The following CACNA1C variants were observed in gnomAD, a reference collection of about 807,000 sequenced individuals.
CACNA1C encodes calcium voltage-gated channel subunit alpha1 C.
CACNA1C carries 30 observed loss-of-function variants against 229.0 expected under a neutral mutation model. The ratio of observed to expected loss-of-function variants is 0.13; its 90% CI spans 0.10 to 0.18. The LOEUF (loss-of-function observed/expected upper bound fraction) is 0.18. CACNA1C is among the 10% of genes least tolerant of loss of function. CACNA1C has a pLI of 1.00. For missense variants in CACNA1C, 1,658 were observed against 2,845.0 expected, an observed-to-expected ratio of 0.58 and a Z score of 9.49; for synonymous variants, 1,114 against 1,132.5, an observed-to-expected ratio of 0.98 and a Z score of 0.33.
In CACNA1C at chr12:2,346,333, T is replaced by G. The variant is rs1004827263; in HGVS notation, c.478-102643T>G. Among the ~76,000 whole-genome samples, 3 of 152,136 alleles carry G rather than the reference T, an allele frequency of 2.0e-5. No homozygotes were observed. Among genetic ancestry groups the G allele is most frequent in the Non-Finnish European group, 4.4e-5 (3 of 68,026 alleles). On this transcript the variant is annotated intron_variant, in intron 3 of 46. Transcript: ENST00000399655. This position sits in a 1 kb window ranked among gnomAD's most constrained non-coding sequence, Gnocchi z 4.4. ...TGTGTGTCTGTGTGTCTTTGTAATG[T>G]GTGTGTGTGCCTATGTATGTCTCTG...
chr12:2,266,838 T>C (rs1328614801), intron 3 of CACNA1C, among the ~76,000 whole-genome samples: 2 of 152,158 alleles, frequency 1.3e-5, no homozygotes, highest in Non-Finnish European at 2.9e-5. Flanking sequence ...AATTCCAGTG[T>C]TTCTCTTCAG....
At chr12:2,507,311 A>G (rs1353090498) in intron 8 of CACNA1C, among the ~76,000 whole-genome samples, 1 of 151,916 alleles carries the variant, frequency 6.6e-6, no homozygotes, top group Non-Finnish European at 1.5e-5. Flanking sequence ...ATGGGCGAGC[A>G]CCTCCCCTTT....
At chr12:2,343,258 A>C (rs182392653) in intron 3 of CACNA1C, among the ~76,000 whole-genome samples, 7 of 152,366 alleles carry the variant, frequency 4.6e-5, no homozygotes, top group Admixed American at 3.9e-4. Flanking sequence ...TGAAGGTTTA[A>C]GAGTCTCTCC....
chr12:2,307,973 G>A (rs981291621), intron 3 of CACNA1C, among the ~76,000 whole-genome samples: 11 of 152,184 alleles, frequency 7.2e-5, no homozygotes, highest in Non-Finnish European at 1.5e-4. Context: ...TGGGGTGGAA[G>A]ACAAGAATCT....
intron 3 of CACNA1C, among the ~76,000 whole-genome samples, chr12:2,385,101 G>A (rs1175190142): frequency 2.0e-5 from 3 of 152,164 alleles, no homozygotes; most frequent in African/African-American, 4.8e-5. Flanking sequence ...GATTCCCAGA[G>A]AAAATGAGGC....
intron 3 of CACNA1C, among the ~76,000 whole-genome samples, chr12:2,260,081 C>T (rs552439349): frequency 7.2e-5 from 11 of 152,324 alleles, no homozygotes; most frequent in African/African-American, 2.6e-4. Flanking sequence ...AGTCCCAAAC[C>T]ATCAGAAGGA....
rs934030405 is a variant in CACNA1C, at chr12:2,649,176, T to C, written c.3945+669T>C. Among the ~76,000 whole-genome samples the C allele has an allele frequency of 3.3e-5, 5 of 152,362 alleles. No homozygotes were observed. Among genetic ancestry groups the C allele is most frequent in the East Asian group, 1.9e-4 (1 of 5,190 alleles). On this transcript the variant is annotated intron_variant, in intron 31 of 46. Transcript: ENST00000399655. This position sits in a 1 kb window ranked among gnomAD's most constrained non-coding sequence, Gnocchi z 4.4. The stretch of plus-strand genomic sequence containing the variant: ...AAGCAGAAAAACAAGCTCCGTTGAT[T>C]GGACCACTCCTGTTGTAGGAGTCTC...
At chr12:2,522,631 G>A (rs935504592) in intron 9 of CACNA1C, among the ~76,000 whole-genome samples, 7 of 152,294 alleles carry the variant, frequency 4.6e-5, no homozygotes, top group Admixed American at 1.3e-4. Flanking sequence ...CATACTCCCC[G>A]TAGGAGGGGT....
chr12:2,512,745 C>T lies in CACNA1C; in HGVS notation c.1218-67C>T, dbSNP rs910615493. The T allele has an allele frequency of 1.1e-5, 14 of 1,231,964 alleles. No homozygotes were observed. Among genetic ancestry groups the T allele is most frequent in the Admixed American group, 7.5e-5 (3 of 39,976 alleles). The allele number at this position is 1,231,964 out of a possible 1,614,324, so 76.3% of individuals were successfully genotyped here. A position where few individuals can be genotyped will look rare whatever the true frequency, so the allele number is the denominator to read the frequency against. The stretch of plus-strand genomic sequence containing the variant: ...TTATCTCCATCTCTCCTTCCATCCT[C>T]GACCCTTCTCGGTGCTCCCTCCTTC... On this transcript the variant is annotated intron_variant, in intron 8 of 46. Coordinates refer to ENST00000399655, the MANE Select transcript of CACNA1C (RefSeq NM_000719.7). The surrounding 1 kb of genome is among the most constrained non-coding windows in gnomAD (Gnocchi z 4.3).
chr12:2,125,735 T>C (rs1346118585), intron 3 of CACNA1C, among the ~76,000 whole-genome samples: 3 of 152,140 alleles, frequency 2.0e-5, no homozygotes, highest in African/African-American at 7.2e-5. Flanking sequence ...GGGCTGCTCT[T>C]TGAGAACAGT....
chr12:2,025,368 G>A (rs993750625), intron 1 of CACNA1C, among the ~76,000 whole-genome samples: 7 of 152,174 alleles, frequency 4.6e-5, no homozygotes, highest in African/African-American at 1.7e-4. Context: ...ACATCCATTA[G>A]GTGAGTACCC....
chr12:2,008,571 A>G (rs1210475743), intron 1 of CACNA1C, among the ~76,000 whole-genome samples: 3 of 152,184 alleles, frequency 2.0e-5, no homozygotes, highest in Non-Finnish European at 4.4e-5. Context: ...AGTTGAATTT[A>G]CTCATTAAAT....
chr12:2,477,907 A>G (rs906644864), intron 5 of CACNA1C, among the ~76,000 whole-genome samples: 4 of 152,048 alleles, frequency 2.6e-5, no homozygotes, highest in African/African-American at 9.7e-5. Flanking sequence ...AGATGGTGGG[A>G]CAACCTCGTA....
At position 2,410,797 on chromosome 12, in the gene CACNA1C, A is replaced by C. The variant is rs2098798881; in HGVS notation, c.478-38179A>C. Among the ~76,000 whole-genome samples the C allele has an allele frequency of 7.3e-6, 1 of 137,352 alleles. No homozygotes were observed. Among genetic ancestry groups the C allele is most frequent in the South Asian group, 2.4e-4 (1 of 4,130 alleles). The allele number at this position is 137,352 out of a possible 152,430, so 90.1% of individuals were successfully genotyped here. Reference sequence around the variant, plus strand: ...GTCAGGATGGCTCCCCTGTGTGTGTATATGTGTGTGTGTGCGTGTGCATGT... The same window carrying C: ...GTCAGGATGGCTCCCCTGTGTGTGTCTATGTGTGTGTGTGCGTGTGCATGT... On this transcript the variant is annotated intron_variant, in intron 3 of 46. Transcript: ENST00000399655. The surrounding 1 kb of genome is among the most constrained non-coding windows in gnomAD (Gnocchi z 5.3).
intron 5 of CACNA1C, among the ~76,000 whole-genome samples, chr12:2,459,177 T>G (rs1362746457): frequency 2.0e-5 from 3 of 148,442 alleles, no homozygotes; most frequent in Non-Finnish European, 4.5e-5. Flanking sequence ...GTGTTTTTTT[T>G]TTTTTTTTTT....
intron 29 of CACNA1C, among the ~76,000 whole-genome samples, chr12:2,622,822 G>C (rs754627484): frequency 2.0e-5 from 3 of 152,088 alleles, no homozygotes; most frequent in Non-Finnish European, 4.4e-5. Flanking sequence ...CCCCTACAAT[G>C]GTCAGGGCAG....
At chr12:2,140,818 T>C (rs780690228) in intron 3 of CACNA1C, among the ~76,000 whole-genome samples, 3 of 151,330 alleles carry the variant, frequency 2.0e-5, no homozygotes, top group Non-Finnish European at 4.4e-5. Context: ...TCACAGAGCT[T>C]GTCAGGTTTG....
chr12:2,486,100 G>A lies in CACNA1C; in HGVS notation c.758-4G>A, dbSNP rs754220732. 20 of 1,596,234 alleles carry A rather than the reference G, an allele frequency of 1.3e-5. No homozygotes were observed. The highest frequency in any genetic ancestry group is 4.6e-5 in the South Asian group (4 of 87,242). ...TGGTTCAGTGAGTGGCTCTGTCCCC[G>A]CAGGTCTCCAGGTGGTCCTGAATTC... On this transcript the variant is annotated splice_polypyrimidine_tract_variant and splice_region_variant and intron_variant, in intron 5 of 46. Coordinates refer to ENST00000399655, the MANE Select transcript of CACNA1C (RefSeq NM_000719.7). This position sits in a 1 kb window ranked among gnomAD's most constrained non-coding sequence, Gnocchi z 4.9.
chr12:2,497,440 A>G (rs1185868973), intron 7 of CACNA1C, among the ~76,000 whole-genome samples: 3 of 152,208 alleles, frequency 2.0e-5, no homozygotes, highest in African/African-American at 7.2e-5. Flanking sequence ...GGCAGCAGCT[A>G]GACTAGGCAT....
Sources: gnomAD v4.1 joint callset for allele counts (sites outside exome capture counted in the v4.1 genomes callset) on GRCh38, gnomAD v4.1.1 for gene constraint, Gnocchi (gnomAD v3.1) non-coding constraint, MANE v1.5 for transcripts, NCBI Gene and HGNC (gene_info 2026-07-23, HGNC 2026-07-21) for gene names.